Variants in PLXDC2 observed in about 807,000 individuals in gnomAD.
PLXDC2 encodes plexin domain containing 2.
A neutral mutation model predicts 68.9 loss-of-function variants in PLXDC2; 40 were observed. That is an observed-to-expected ratio of 0.58 (90% confidence interval 0.45 to 0.76). The LOEUF is 0.76. Ranked by LOEUF, PLXDC2 falls within the 30% of genes least tolerant of loss-of-function variation. The pLI is 0.00. For synonymous variants in PLXDC2, 243 were observed against 234.2 expected (o/e 1.04, Z -0.34); for missense variants, 644 against 661.9 (o/e 0.97, Z 0.30).
chr10:19,868,276 G>A (rs1326240), intron 1 of PLXDC2, among the ~76,000 whole-genome samples: 8 of 151,930 alleles, frequency 5.3e-5, no homozygotes, highest in African/African-American at 1.4e-4. Flanking sequence ...CCTCCCACCC[G>A]CCACCCTCAA....
intron 1 of PLXDC2, among the ~76,000 whole-genome samples, chr10:19,974,470 AC>A (rs1280709871): frequency 1.3e-5 from 2 of 152,158 alleles, no homozygotes; most frequent in Non-Finnish European, 2.9e-5. Flanking sequence ...TGATGGCTGG[AC>A]TCTTAGCTCA....
rs867020299 is a variant in PLXDC2, at chr10:19,966,189, A to G, written c.113-35586A>G. Among the ~76,000 whole-genome samples the G allele has an allele frequency of 2.7e-3, 380 of 142,566 alleles. 1 individual carries two copies. Among genetic ancestry groups the G allele is most frequent in the African/African-American group, 0.01 (365 of 36,100 alleles). The allele number at this position is 142,566 out of a possible 152,430, so 93.5% of individuals were successfully genotyped here. A position where few individuals can be genotyped will look rare whatever the true frequency, so the allele number is the denominator to read the frequency against. ...ATATACATGTGTATATATAGTATAT[A>G]TGTACTCATGCACATATATATACTA... On this transcript the variant is annotated intron_variant, in intron 1 of 13. Transcript: ENST00000377252.
chr10:20,133,146 CT>C (rs1352385712), intron 4 of PLXDC2, among the ~76,000 whole-genome samples: 4 of 152,076 alleles, frequency 2.6e-5, no homozygotes, highest in African/African-American at 7.2e-5. Context: ...ACAATTTTAT[CT>C]TTTTTATTAT....
chr10:19,841,546 T>G (rs2131318173), intron 1 of PLXDC2, among the ~76,000 whole-genome samples: 1 of 151,682 alleles, frequency 6.6e-6, no homozygotes, highest in East Asian at 1.9e-4. Flanking sequence ...GGTTTTTTTT[T>G]TTTTTTTTTT....
chr10:20,014,976 A>G (rs1026580609), intron 2 of PLXDC2, among the ~76,000 whole-genome samples: 1 of 152,036 alleles, frequency 6.6e-6, no homozygotes, highest in East Asian at 1.9e-4. Flanking sequence ...CTGATTTTCT[A>G]TTGACTTTTT....
At chr10:19,888,178 T>C (rs17679440) in intron 1 of PLXDC2, among the ~76,000 whole-genome samples, 6,939 of 152,308 alleles carry the variant, frequency 0.046, 204 homozygotes, top group Middle Eastern at 0.12. Flanking sequence ...ACCGGGCTAT[T>C]GCTTTGCCAA....
At chr10:20,150,525 G>A (rs1352572927) in intron 6 of PLXDC2, among the ~76,000 whole-genome samples, 1 of 152,154 alleles carries the variant, frequency 6.6e-6, no homozygotes, top group Non-Finnish European at 1.5e-5. Flanking sequence ...TGGAAGCTGA[G>A]AGAATAGTTC....
rs1017550932 is a variant in PLXDC2, at chr10:19,885,062, A to G, written c.112+67871A>G. On this transcript the variant is annotated intron_variant, in intron 1 of 13. Transcript: ENST00000377252. Reference sequence around the variant, plus strand: ...TTGCCATTGTAACTGGTGTGAGATGATATCTCATTGTGGTTTTGATTTGCA... The same window carrying G: ...TTGCCATTGTAACTGGTGTGAGATGGTATCTCATTGTGGTTTTGATTTGCA... Among the ~76,000 whole-genome samples, 8 of 152,084 alleles carry G rather than the reference A, an allele frequency of 5.3e-5. No individual in the cohort carries two copies. The South Asian group carries it at 1.0e-3, about 20-fold the overall frequency.
chr10:20,265,696 T>A (rs1835863905), intron 13 of PLXDC2, among the ~76,000 whole-genome samples: 1 of 152,170 alleles, frequency 6.6e-6, no homozygotes, highest in African/African-American at 2.4e-5. Flanking sequence ...TATAGATATT[T>A]GTAGAAGAGC....
intron 1 of PLXDC2, among the ~76,000 whole-genome samples, chr10:19,848,386 T>C (rs530081977): frequency 3.4e-4 from 52 of 152,248 alleles, no homozygotes; most frequent in African/African-American, 9.6e-4. Context: ...TGCAGATGCA[T>C]TGCAAATTCT....
intron 1 of PLXDC2, among the ~76,000 whole-genome samples, chr10:19,901,038 CAT>C (rs1012694657): frequency 8.0e-5 from 12 of 149,170 alleles, no homozygotes; most frequent in African/African-American, 9.9e-5. Context: ...TATATATACA[CAT>C]ATATATATAA....
intron 4 of PLXDC2, among the ~76,000 whole-genome samples, chr10:20,132,533 A>T (rs997331409): frequency 1.3e-5 from 2 of 152,122 alleles, no homozygotes; most frequent in Non-Finnish European, 2.9e-5. Context: ...TGTTCTTAAT[A>T]TTGAGGGCAT....
At chr10:19,839,186 C>CAA (rs3043806) in intron 1 of PLXDC2, among the ~76,000 whole-genome samples, 7 of 100,980 alleles carry the variant, frequency 6.9e-5, no homozygotes, top group Admixed American at 2.9e-4. Context: ...AACTCAGTCT[C>CAA]AAAAAAAAAA....
At chr10:19,933,407 G>A (rs1833672316) in intron 1 of PLXDC2, among the ~76,000 whole-genome samples, 1 of 152,058 alleles carries the variant, frequency 6.6e-6, no homozygotes, top group Non-Finnish European at 1.5e-5. Context: ...AGGCTGAGGT[G>A]GGTGGATCAC....
chr10:20,019,550 G>A (rs1835268889), intron 2 of PLXDC2, among the ~76,000 whole-genome samples: 1 of 152,144 alleles, frequency 6.6e-6, no homozygotes, highest in Non-Finnish European at 1.5e-5. Context: ...AGGCAATTAA[G>A]GTTAATGAGG....
At chr10:20,194,638 T>C (rs924336046) in intron 9 of PLXDC2, among the ~76,000 whole-genome samples, 4 of 151,394 alleles carry the variant, frequency 2.6e-5, no homozygotes, top group Non-Finnish European at 5.9e-5. Flanking sequence ...AAATTTATTT[T>C]ATATATATAT....
intron 2 of PLXDC2, among the ~76,000 whole-genome samples, chr10:20,010,091 G>A (rs1835086747): frequency 6.6e-6 from 1 of 152,070 alleles, no homozygotes. Context: ...CTGAACTTCT[G>A]TTCCTTGCTT....
At chr10:19,975,316 G>A (rs1054562290) in intron 1 of PLXDC2, among the ~76,000 whole-genome samples, 3 of 152,052 alleles carry the variant, frequency 2.0e-5, no homozygotes, top group African/African-American at 4.8e-5. Flanking sequence ...AAATTAGCTG[G>A]GCATGGTGGC....
intron 4 of PLXDC2, among the ~76,000 whole-genome samples, chr10:20,134,670 G>C (rs79803025): frequency 6.6e-6 from 1 of 152,126 alleles, no homozygotes; most frequent in African/African-American, 2.4e-5. Context: ...GTTCACAGGC[G>C]CTTACGTGAA....
Sources: gnomAD v4.1 joint callset for allele counts (sites outside exome capture counted in the v4.1 genomes callset) on GRCh38, gnomAD v4.1.1 for gene constraint, MANE v1.5 for transcripts, NCBI Gene and HGNC (gene_info 2026-07-23, HGNC 2026-07-21) for gene names.